ACSL1: variants seen among roughly 807,000 people sequenced by gnomAD.
ACSL1 encodes acyl-CoA synthetase long chain family member 1.
ACSL1 carries 41 observed loss-of-function variants against 98.4 expected under a neutral mutation model. The observed-to-expected ratio is 0.42, with a 90% confidence interval of 0.32 to 0.54. The LOEUF is 0.54. ACSL1 is among the 20% of genes least tolerant of loss of function. The probability of loss-of-function intolerance (pLI) is 0.13; values close to 1 mark genes in which losing one functional copy is unlikely to be tolerated. For missense variants in ACSL1, 734 were observed against 883.1 expected (o/e 0.83, Z 2.14); for synonymous variants, 316 against 322.7 (o/e 0.98, Z 0.22).
In ACSL1 at chr4:184,756,995, C is replaced by G. The variant is rs547535822; in HGVS notation, c.*130G>C. On this transcript the variant is annotated 3_prime_UTR_variant, in exon 21 of 21. Coordinates refer to ENST00000281455, the MANE Select transcript of ACSL1 (RefSeq NM_001995.5). ...TCTAGCATTCCTATGAGAAGAACCCCGAATGGACAAGTCAAACACGAACGC... is the reference window on the plus strand; with the variant it reads ...TCTAGCATTCCTATGAGAAGAACCCGGAATGGACAAGTCAAACACGAACGC... 8.3e-6 allele frequency: 10 copies of G among 1,202,788 alleles called. No homozygotes were observed. The East Asian group carries it at 2.4e-4, about 29-fold the overall frequency. The allele number at this position is 1,202,788 out of a possible 1,614,324, so 74.5% of individuals were successfully genotyped here.
intron 1 of ACSL1, among the ~76,000 whole-genome samples, chr4:184,820,069 T>C (rs1187438578): frequency 6.6e-6 from 1 of 152,114 alleles, no homozygotes. Context: ...ACTCCACACG[T>C]GTGCATGGCC....
intron 17 of ACSL1, among the ~76,000 whole-genome samples, chr4:184,761,890 GCTGAGGCGGGTGGATCAC>G (rs1340227186): frequency 1.2e-4 from 18 of 152,196 alleles, no homozygotes; most frequent in Admixed American, 1.1e-3. Context: ...ACTTTGGGAG[GCTGAGGCGGGTGGATCAC>G]CTGAGGTCAG....
At chr4:184,762,345 A>G in intron 17 of ACSL1, 62 bp downstream of exon 17, 4 of 1,388,764 alleles carry the variant, frequency 2.9e-6, no homozygotes, top group South Asian at 1.2e-5. Flanking sequence ...CACAGTAGAT[A>G]AGACATTTTC....
In ACSL1 at chr4:184,783,836, T is replaced by C; in HGVS notation, c.375+91A>G. ...CTCTGAGCTGGTCCAGCACATACAC[T>C]CTGGAGAAACCTTCCGGCTCCAAGA... is the stretch of plus-strand genomic sequence containing the variant. On this transcript the variant is annotated intron_variant, in intron 4 of 20. Coordinates refer to ENST00000281455, the MANE Select transcript of ACSL1 (RefSeq NM_001995.5). 3.2e-6 allele frequency: 4 copies of C among 1,231,040 alleles called. No homozygotes were observed. The Admixed American group carries it at 5.3e-5, about 16-fold the overall frequency. The allele number at this position is 1,231,040 out of a possible 1,614,324, so 76.3% of individuals were successfully genotyped here.
chr4:184,795,365 G>A (rs993040924), intron 2 of ACSL1, among the ~76,000 whole-genome samples: 39 of 152,258 alleles, frequency 2.6e-4, no homozygotes, highest in African/African-American at 8.7e-4. Context: ...CATCAAACAC[G>A]TTCTCTGTTT....
At chr4:184,822,874 T>C (rs753587716) in intron 1 of ACSL1, among the ~76,000 whole-genome samples, 2 of 152,228 alleles carry the variant, frequency 1.3e-5, no homozygotes, top group Non-Finnish European at 2.9e-5. Context: ...TTCTTATGCA[T>C]TGACATTCAG....
rs11931782 is a variant in ACSL1 at position 184,766,994 on chromosome 4, T to C, written c.1129-238A>G. Among the ~76,000 whole-genome samples, 4,079 of 152,200 alleles carry C rather than the reference T, an allele frequency of 0.027. 101 individuals are homozygous for C. Among genetic ancestry groups the C allele is most frequent in the African/African-American group, 0.064 (2,650 of 41,514 alleles). On this transcript the variant is annotated intron_variant, in intron 12 of 20. Transcript: ENST00000281455. This position sits in a 1 kb window ranked among gnomAD's most constrained non-coding sequence, Gnocchi z 4.8. ...TCCCCAAATGCCCATCGAGTAGGAA[T>C]GTGTAGGCCAGGTGCGGTGGCCCAC...
At chr4:184,809,212 A>C (rs954481944) in intron 1 of ACSL1, among the ~76,000 whole-genome samples, 4 of 151,960 alleles carry the variant, frequency 2.6e-5, no homozygotes, top group African/African-American at 9.7e-5. Context: ...CACTTAAACC[A>C]CTCCCTGCCC....
At chr4:184,812,342 T>A (rs1342299228) in intron 1 of ACSL1, 1 of 515,416 alleles carries the variant, frequency 1.9e-6, no homozygotes, top group East Asian at 1.5e-4. Flanking sequence ...CCCTCTGTGA[T>A]TCTGACTGTG....
intron 17 of ACSL1, among the ~76,000 whole-genome samples, chr4:184,761,244 G>C (rs1163806991): frequency 6.6e-6 from 1 of 152,218 alleles, no homozygotes; most frequent in East Asian, 1.9e-4. Context: ...TGCCACAGTA[G>C]AATTGGAACT....
At chr4:184,801,050 C>T (rs1485773697) in intron 2 of ACSL1, among the ~76,000 whole-genome samples, 1 of 152,134 alleles carries the variant, frequency 6.6e-6, no homozygotes, top group African/African-American at 2.4e-5. Context: ...GAGATGAGGC[C>T]TTGCTATGTT....
Position 184,757,572 on chromosome 4 carries a change from G to A in ACSL1, c.1956+63C>T. The A allele has an allele frequency of 1.3e-6, 2 of 1,486,710 alleles. No individual in the cohort carries two copies. Among genetic ancestry groups the A allele is most frequent in the South Asian group, 2.4e-5 (2 of 83,614 alleles). 92.1% of individuals were successfully genotyped at this position (1,486,710 alleles called of 1,614,324 possible). On this transcript the variant is annotated intron_variant, in intron 20 of 20. Transcript: ENST00000281455. This position sits in a 1 kb window ranked among gnomAD's most constrained non-coding sequence, Gnocchi z 4.5. ...CCCCATATGTTTATATAATCTACCTGTAAAAAAATCTTAATGGAAAATTTG... is the reference window on the plus strand; with the variant it reads ...CCCCATATGTTTATATAATCTACCTATAAAAAAATCTTAATGGAAAATTTG...
intron 4 of ACSL1, 48 bp downstream of exon 4, chr4:184,783,879 C>A (rs1283110260): frequency 6.5e-7 from 1 of 1,536,636 alleles, no homozygotes; most frequent in Non-Finnish European, 9.0e-7. Flanking sequence ...TACAGAAGCA[C>A]CCCTGCTTGC....
At chr4:184,801,088 T>C (rs992527534) in intron 2 of ACSL1, among the ~76,000 whole-genome samples, 1 of 152,150 alleles carries the variant, frequency 6.6e-6, no homozygotes, top group Non-Finnish European at 1.5e-5. Flanking sequence ...ACTCCTGGCC[T>C]CAAGCAATCC....
At chr4:184,795,966 G>T (rs1284919916) in intron 2 of ACSL1, among the ~76,000 whole-genome samples, 5 of 152,196 alleles carry the variant, frequency 3.3e-5, no homozygotes, top group Admixed American at 3.3e-4. Flanking sequence ...TTAATACTGA[G>T]TGTCAACTTG....
At chr4:184,823,165 C>T in intron 1 of ACSL1, among the ~76,000 whole-genome samples, 1 of 152,226 alleles carries the variant, frequency 6.6e-6, no homozygotes, top group East Asian at 1.9e-4. Flanking sequence ...TGCCAACCTT[C>T]ACTAAAAACT....
chr4:184,765,099 C>A (rs573759448), intron 14 of ACSL1, among the ~76,000 whole-genome samples, 174 bp from the exon 15 acceptor site: 1 of 152,180 alleles, frequency 6.6e-6, no homozygotes, highest in Non-Finnish European at 1.5e-5. Flanking sequence ...TACGCCAACA[C>A]CAGCCGTCAC....
chr4:184,787,825 T>C (rs1295167544), intron 3 of ACSL1, among the ~76,000 whole-genome samples: 3 of 148,656 alleles, frequency 2.0e-5, no homozygotes, highest in East Asian at 4.0e-4. Flanking sequence ...GATCATGCCA[T>C]TGCACTCCAG....
At position 184,757,306 on chromosome 4, in the gene ACSL1, G is replaced by A. The variant is rs545873483; in HGVS notation, c.1957-41C>T. Reference sequence around the variant, plus strand: ...GCAGTTAAAAGAGGAAAAAGGACACGGGCCACCAGTCTCAAAAGCACGTAA... The same window carrying A: ...GCAGTTAAAAGAGGAAAAAGGACACAGGCCACCAGTCTCAAAAGCACGTAA... On this transcript the variant is annotated intron_variant, in intron 20 of 20. Coordinates refer to ENST00000281455, the MANE Select transcript of ACSL1 (RefSeq NM_001995.5). This position sits in a 1 kb window ranked among gnomAD's most constrained non-coding sequence, Gnocchi z 4.5. 1.3e-5 allele frequency: 20 copies of A among 1,565,770 alleles called. No homozygotes were observed. Among genetic ancestry groups the A allele is most frequent in the South Asian group, 1.3e-4 (11 of 86,810 alleles).
Sources: allele counts gnomAD v4.1 joint callset (sites outside exome capture counted in the v4.1 genomes callset), GRCh38; gene constraint gnomAD v4.1.1; non-coding constraint Gnocchi (gnomAD v3.1); transcripts MANE v1.5; gene names NCBI Gene and HGNC (gene_info 2026-07-23, HGNC 2026-07-21).